Variants in CCDC85A observed in about 807,000 individuals in gnomAD.
CCDC85A encodes coiled-coil domain-containing protein 85A.
In CCDC85A, 38 loss-of-function variants were observed where a neutral mutation model predicts 50.2. The observed-to-expected ratio is 0.76, with a 90% confidence interval of 0.58 to 0.99. The LOEUF is 0.99. Among genes scored for constraint, CCDC85A ranks in the 50% least tolerant of loss-of-function variants. The pLI is 0.00. For synonymous variants in CCDC85A, 366 were observed against 301.4 expected (o/e 1.21, Z -2.22); for missense variants, 820 against 742.0 (o/e 1.11, Z -1.22).
intron 2 of CCDC85A, among the ~76,000 whole-genome samples, chr2:56,289,788 G>A (rs1011556338): frequency 2.0e-5 from 3 of 152,142 alleles, no homozygotes; most frequent in Non-Finnish European, 4.4e-5. Flanking sequence ...TAATTTAATG[G>A]TTTTATTATT....
intron 2 of CCDC85A, among the ~76,000 whole-genome samples, chr2:56,202,569 G>A (rs1676789976): frequency 6.6e-6 from 1 of 152,112 alleles, no homozygotes; most frequent in Admixed American, 6.6e-5. Flanking sequence ...CAAAAGGATG[G>A]GCCAGATGGC....
intron 2 of CCDC85A, among the ~76,000 whole-genome samples, chr2:56,217,795 A>G (rs1228253147): frequency 6.6e-6 from 1 of 151,856 alleles, no homozygotes; most frequent in Non-Finnish European, 1.5e-5. Context: ...TGTAGTTATT[A>G]TATTAATTGT....
chr2:56,207,541 T>C (rs1206789624), intron 2 of CCDC85A, among the ~76,000 whole-genome samples: 1 of 152,210 alleles, frequency 6.6e-6, no homozygotes, highest in Non-Finnish European at 1.5e-5. Context: ...ACATTATTTT[T>C]TGATTCTCCT....
At chr2:56,329,507 T>G (rs1172843012) in intron 2 of CCDC85A, among the ~76,000 whole-genome samples, 1 of 152,218 alleles carries the variant, frequency 6.6e-6, no homozygotes, top group African/African-American at 2.4e-5. Flanking sequence ...TACAAAAAAG[T>G]TCAAAGTATG....
intron 2 of CCDC85A, among the ~76,000 whole-genome samples, chr2:56,231,907 A>G (rs1668789722): frequency 6.6e-6 from 1 of 151,934 alleles, no homozygotes; most frequent in African/African-American, 2.4e-5. Context: ...CTATTCAACC[A>G]CCCACAGCAT....
rs576116563 is a variant in CCDC85A, at chr2:56,193,102, G to T, written c.902G>T (p.Ser301Ile). The change falls in exon 2 of 6, where the codon AGC becomes ATC. Residue 301 changes from serine (S) to isoleucine (I), a missense_variant. Transcript: ENST00000407595. ...CAAAGGCACCCGCATCCAGGGAGCA[G>T]CCCCGAAACGCTGCCCAAGCACGTG... is the stretch of plus-strand genomic sequence containing the variant. ...EQQRHPHPGS[S>I]PETLPKHVLS... The T allele has an allele frequency of 3.1e-6, 5 of 1,613,970 alleles. No homozygotes were observed. In the South Asian group the frequency reaches 5.5e-5, roughly 18 times the overall value.
intron 5 of CCDC85A, among the ~76,000 whole-genome samples, chr2:56,380,432 C>T (rs1676527865): frequency 6.6e-6 from 1 of 151,876 alleles, no homozygotes; most frequent in Admixed American, 6.6e-5. Context: ...CAGTAGCACA[C>T]ACCTATAGTC....
At chr2:56,274,841 G>A (rs1427017141) in intron 2 of CCDC85A, among the ~76,000 whole-genome samples, 1 of 152,142 alleles carries the variant, frequency 6.6e-6, no homozygotes, top group South Asian at 2.1e-4. Context: ...CCAAGATCAA[G>A]ACTGCTAGCA....
intron 2 of CCDC85A, among the ~76,000 whole-genome samples, chr2:56,274,667 A>G (rs1281760760): frequency 3.9e-5 from 6 of 152,204 alleles, no homozygotes; most frequent in Non-Finnish European, 8.8e-5. Flanking sequence ...TCACCAAATG[A>G]CCGGGCACCG....
chr2:56,285,768 A>C (rs1671416054), intron 2 of CCDC85A, among the ~76,000 whole-genome samples: 1 of 151,944 alleles, frequency 6.6e-6, no homozygotes, highest in African/African-American at 2.4e-5. Context: ...TAATGAAGTT[A>C]AGAGAAAAAG....
intron 3 of CCDC85A, among the ~76,000 whole-genome samples, chr2:56,358,345 C>T (rs530002829): frequency 2.7e-4 from 41 of 152,280 alleles, no homozygotes; most frequent in Non-Finnish European, 1.0e-4. Context: ...AATTTCAAGC[C>T]TCCAATAAAC....
At chr2:56,251,398 G>A (rs898841636) in intron 2 of CCDC85A, among the ~76,000 whole-genome samples, 3 of 152,236 alleles carry the variant, frequency 2.0e-5, no homozygotes, top group African/African-American at 7.2e-5. Context: ...CGAGTTTCAT[G>A]TGAGTTTTCC....
intron 2 of CCDC85A, among the ~76,000 whole-genome samples, chr2:56,301,202 A>G (rs1672186577): frequency 6.6e-6 from 1 of 152,192 alleles, no homozygotes; most frequent in Non-Finnish European, 1.5e-5. Flanking sequence ...TGAAGTATTT[A>G]TGGAGCAAAT....
At chr2:56,253,885 T>C (rs1669873184) in intron 2 of CCDC85A, among the ~76,000 whole-genome samples, 2 of 152,192 alleles carry the variant, frequency 1.3e-5, no homozygotes, top group African/African-American at 4.8e-5. Flanking sequence ...AATGTAGATT[T>C]GGGACAAAGG....
At chr2:56,191,407 G>C (rs1676289648) in intron 1 of CCDC85A, among the ~76,000 whole-genome samples, 1 of 152,148 alleles carries the variant, frequency 6.6e-6, no homozygotes, top group Non-Finnish European at 1.5e-5. Flanking sequence ...TTGTGAACAA[G>C]CAAGTGAATC....
chr2:56,196,669 T>C (rs1015568349), intron 2 of CCDC85A, among the ~76,000 whole-genome samples: 2 of 152,204 alleles, frequency 1.3e-5, no homozygotes, highest in Non-Finnish European at 2.9e-5. Flanking sequence ...TAGCAATAGC[T>C]GTATTTGTTA....
chr2:56,375,607 A>G (rs1284425335), intron 4 of CCDC85A, among the ~76,000 whole-genome samples: 2 of 152,192 alleles, frequency 1.3e-5, no homozygotes, highest in Non-Finnish European at 2.9e-5. Flanking sequence ...GCATCTGACA[A>G]TGTATTGAAG....
intron 2 of CCDC85A, among the ~76,000 whole-genome samples, chr2:56,324,377 G>T (rs755290393): frequency 3.9e-5 from 6 of 151,910 alleles, no homozygotes; most frequent in Non-Finnish European, 7.4e-5. Flanking sequence ...TTATACAGTG[G>T]TGATGCTCCC....
chr2:56,327,831 C>CAAAAAAAAAAAAAA (rs70955016), intron 2 of CCDC85A, among the ~76,000 whole-genome samples: 1 of 93,264 alleles, frequency 1.1e-5, no homozygotes, highest in Non-Finnish European at 2.2e-5. Context: ...TAGAGTAAGG[C>CAAAAAAAAAAAAAA]AAAAAAAAAA....
Sources: gnomAD v4.1 joint callset for allele counts (sites outside exome capture counted in the v4.1 genomes callset) on GRCh38, gnomAD v4.1.1 for gene constraint, MANE v1.5 for transcripts, NCBI Gene and HGNC (gene_info 2026-07-23, HGNC 2026-07-21) for gene names.